UNC80: variants seen among roughly 807,000 people sequenced by gnomAD.
UNC80 encodes protein unc-80 homolog.
A neutral mutation model predicts 384.6 loss-of-function variants in UNC80; 164 were observed. The observed-to-expected ratio is 0.43, with a 90% CI of 0.38 to 0.49. UNC80 has a LOEUF of 0.49. UNC80 is among the 20% of genes least tolerant of loss of function. The pLI, the probability that UNC80 is intolerant of heterozygous loss-of-function variation, is 0.00. For synonymous variants in UNC80, 1,486 were observed against 1,527.8 expected, an observed-to-expected ratio of 0.97 and a Z score of 0.64; for missense variants, 3,330 against 4,143.0, an observed-to-expected ratio of 0.80 and a Z score of 5.39.
rs1331302523 is a variant in UNC80 at position 209,978,663 on chromosome 2, G to C, written c.9073G>C (p.Ala3025Pro). 4 of 1,549,524 alleles carry C rather than the reference G, an allele frequency of 2.6e-6. No individual in the cohort carries two copies. Among genetic ancestry groups the C allele is most frequent in the African/African-American group, 2.7e-5 (2 of 73,032 alleles). Residue 3025 changes from alanine to proline, a missense_variant, in exon 59 of 65, where the codon GCT (alanine) becomes CCT (proline). Transcript: ENST00000673920. ...GCAGGACAGTGAGCCATCCCAGCAG[G>C]CTTCGCAGGACACCCTGAGTCGGAC... The part of the protein sequence containing the change: ...WEQDSEPSQQ[A>P]SQDTLSRTDE...
Position 209,984,794 on chromosome 2 carries a change from T to A in UNC80, c.9258-62T>A, listed in dbSNP as rs1044920208. 3 of 1,478,106 alleles carry A rather than the reference T, an allele frequency of 2.0e-6. No individual in the cohort carries two copies. The East Asian group carries it at 7.4e-5, about 37-fold the overall frequency. 91.6% of individuals were successfully genotyped at this position (1,478,106 alleles called of 1,614,324 possible). On this transcript the variant is annotated intron_variant, in intron 60 of 64. Coordinates refer to ENST00000673920, the MANE Select transcript of UNC80 (RefSeq NM_001371986.1). ...AGCAGAAAATTGCATGCCTTTTTTC[T>A]TTTTTCTTTTTTTTTTTCATTTTCT...
intron 39 of UNC80, among the ~76,000 whole-genome samples, chr2:209,934,796 T>C (rs2091131454): frequency 6.6e-6 from 1 of 152,198 alleles, no homozygotes; most frequent in South Asian, 2.1e-4. Flanking sequence ...AGTTGAGATA[T>C]GTGAAATACT....
At chr2:209,914,155 A>C (rs2089262638) in intron 31 of UNC80, among the ~76,000 whole-genome samples, 1 of 152,222 alleles carries the variant, frequency 6.6e-6, no homozygotes, top group South Asian at 2.1e-4. Context: ...GCACCATAGC[A>C]TATGTCTCTC....
chr2:209,860,245 T>A (rs2083253861), intron 22 of UNC80, among the ~76,000 whole-genome samples: 1 of 152,232 alleles, frequency 6.6e-6, no homozygotes, highest in South Asian at 2.1e-4. Context: ...GTTCTCTGCA[T>A]ATGGCTAGCC....
At chr2:209,900,950 G>T (rs113654245) in intron 28 of UNC80, among the ~76,000 whole-genome samples, 325 of 152,220 alleles carry the variant, frequency 2.1e-3, no homozygotes, top group African/African-American at 7.5e-3. Flanking sequence ...CTGAGAAAGG[G>T]GAAGAAGCTG....
intron 22 of UNC80, among the ~76,000 whole-genome samples, chr2:209,859,713 T>A (rs1405774101): frequency 6.6e-6 from 1 of 152,200 alleles, no homozygotes; most frequent in Admixed American, 6.5e-5. Context: ...GACTTTTTAA[T>A]AATCTCCACT....
Position 209,993,341 on chromosome 2 carries a change from G to T in UNC80, c.9423G>T (p.Gln3141His). ...RQLRRPLLSR[Q>H]KTQTEPRNRQ... ...TAAGACGTCCTCTACTATCACGTCA[G>T]AAAACTCAGACTGAACCCAGAAATC... Residue 3141 changes from glutamine to histidine, a missense_variant, in exon 63 of 65, where the codon CAG (glutamine) becomes CAT (histidine). Physicochemically the swap from Gln to His is conservative, Grantham distance 24 (BLOSUM62 0). This residue lies in a region of UNC80 where 236 missense variants were observed against 254.9 expected (regional missense o/e 0.93). Coordinates refer to ENST00000673920, the MANE Select transcript of UNC80 (RefSeq NM_001371986.1). 5 of 1,551,924 alleles carry T rather than the reference G, an allele frequency of 3.2e-6. No homozygotes were observed. Among genetic ancestry groups the T allele is most frequent in the Non-Finnish European group, 4.4e-6 (5 of 1,146,998 alleles).
intron 6 of UNC80, among the ~76,000 whole-genome samples, chr2:209,792,333 C>G (rs1052287131): frequency 3.0e-4 from 46 of 152,122 alleles, no homozygotes; most frequent in Non-Finnish European, 6.3e-4. Flanking sequence ...CATCTTAATA[C>G]TTTTTTGTTT....
At chr2:209,837,276 A>G (rs759533134) in intron 18 of UNC80, among the ~76,000 whole-genome samples, 18 of 152,192 alleles carry the variant, frequency 1.2e-4, no homozygotes, top group South Asian at 2.1e-4. Context: ...CCCCATAAAT[A>G]AGTTTCATCA....
At chr2:209,905,005 A>G (rs1477449026) in intron 29 of UNC80, 40 bp downstream of exon 29, 2 of 1,539,182 alleles carry the variant, frequency 1.3e-6, no homozygotes, top group Non-Finnish European at 8.8e-7. Flanking sequence ...AATACTAGAA[A>G]CATGATGTCA....
chr2:209,876,415 CAT>C (rs1328123427), intron 23 of UNC80, among the ~76,000 whole-genome samples: 1 of 152,188 alleles, frequency 6.6e-6, no homozygotes, highest in African/African-American at 2.4e-5. Context: ...GACGAATAAA[CAT>C]AGCCCTGAGG....
intron 2 of UNC80, among the ~76,000 whole-genome samples, chr2:209,774,882 GT>G (rs1455871002): frequency 6.6e-6 from 1 of 151,948 alleles, no homozygotes; most frequent in Non-Finnish European, 1.5e-5. Context: ...AAAGTAAAAA[GT>G]TTTCTTTGGA....
At chr2:209,949,910 C>G (rs1559380330) in intron 47 of UNC80, among the ~76,000 whole-genome samples, 1 of 152,158 alleles carries the variant, frequency 6.6e-6, no homozygotes, top group Non-Finnish European at 1.5e-5. Context: ...CCACTGCAGC[C>G]TTGATCTCCC....
intron 22 of UNC80, among the ~76,000 whole-genome samples, chr2:209,857,017 T>G (rs1042953361): frequency 2.0e-5 from 3 of 152,068 alleles, no homozygotes; most frequent in African/African-American, 7.2e-5. Flanking sequence ...CTAGAACTCC[T>G]GACCTTAGGT....
rs1208696027 is a variant in UNC80, at chr2:209,959,623, G to A, written c.7721G>A (p.Gly2574Glu). Residue 2574 changes from glycine to glutamate, a missense_variant, in exon 51 of 65, where the codon GGG becomes GAG. By Grantham distance (98) the Gly-to-Glu change is moderately conservative. This residue lies in a region of UNC80 where 1,049 missense variants were observed against 1,488.6 expected (regional missense o/e 0.70). Transcript: ENST00000673920. ...TGCACTGAGTTCTATAAGCACTGTGGGCCACGGCTGAAGATCTTGCAAAAT... is the reference window on the plus strand; with the variant it reads ...TGCACTGAGTTCTATAAGCACTGTGAGCCACGGCTGAAGATCTTGCAAAAT... ...NICTEFYKHC[G>E]PRLKILQNLA... 1.3e-6 allele frequency: 2 copies of A among 1,551,668 alleles called. No homozygotes were observed. Among genetic ancestry groups the A allele is most frequent in the East Asian group, 4.9e-5 (2 of 40,912 alleles).
chr2:209,928,350 A>C (rs983570827), intron 36 of UNC80, among the ~76,000 whole-genome samples: 3 of 152,200 alleles, frequency 2.0e-5, no homozygotes, highest in African/African-American at 7.2e-5. Flanking sequence ...ATAAAAATAA[A>C]ATAAAATAAT....
intron 29 of UNC80, among the ~76,000 whole-genome samples, chr2:209,910,953 C>T (rs1483260885): frequency 2.6e-5 from 4 of 151,954 alleles, no homozygotes; most frequent in African/African-American, 2.4e-5. Flanking sequence ...CTAATAATGG[C>T]TATCATTGGG....
At position 209,842,346 on chromosome 2, in the gene UNC80, T is replaced by G; in HGVS notation, c.3358-4T>G. On this transcript the variant is annotated splice_region_variant and splice_polypyrimidine_tract_variant and intron_variant, in intron 20 of 64. Transcript: ENST00000673920. ...TCTACTTTCCTTTTTTTTTCTTTTT[T>G]CAGGTCAAATTCACTAGTGCTGTGA... 1 of 1,543,856 alleles carries G rather than the reference T, an allele frequency of 6.5e-7. No individual in the cohort carries two copies. Among genetic ancestry groups the G allele is most frequent in the Non-Finnish European group, 8.7e-7 (1 of 1,144,120 alleles).
intron 61 of UNC80, among the ~76,000 whole-genome samples, chr2:209,990,316 CT>C (rs1045001246): frequency 9.9e-5 from 15 of 152,264 alleles, no homozygotes; most frequent in African/African-American, 3.6e-4. Context: ...TTATTACCTG[CT>C]TCCTTTTAGT....
Sources: allele counts gnomAD v4.1 joint callset (sites outside exome capture counted in the v4.1 genomes callset), GRCh38; gene constraint gnomAD v4.1.1; regional missense constraint gnomAD v4.1.1; transcripts MANE v1.5; gene names NCBI Gene and HGNC (gene_info 2026-07-23, HGNC 2026-07-21).